ZNF652: variants seen among roughly 807,000 people sequenced by gnomAD.
The protein encoded by ZNF652 is zinc finger protein 652.
ZNF652 carries 16 observed loss-of-function variants against 45.2 expected under a neutral mutation model. That is an observed-to-expected ratio of 0.35 (90% CI 0.24 to 0.54). ZNF652 has a LOEUF of 0.54. Among genes scored for constraint, ZNF652 ranks in the 20% least tolerant of loss-of-function variants. The pLI, the probability that ZNF652 is intolerant of heterozygous loss-of-function variation, is 0.91. For missense variants in ZNF652, 614 were observed against 765.6 expected (o/e 0.80, Z 2.34); for synonymous variants, 250 against 260.6 (o/e 0.96, Z 0.39).
chr17:49,360,748 T>C (rs572889527), intron 1 of ZNF652, among the ~76,000 whole-genome samples: 59 of 151,424 alleles, frequency 3.9e-4, no homozygotes, highest in Non-Finnish European at 1.6e-4. Flanking sequence ...GGCCATCCTC[T>C]GGAAAAAAAA....
intron 2 of ZNF652, among the ~76,000 whole-genome samples, chr17:49,314,526 C>A (rs939494382): frequency 5.3e-5 from 8 of 152,104 alleles, no homozygotes; most frequent in Non-Finnish European, 1.0e-4. Flanking sequence ...AAAGCCTATA[C>A]CTTTTCCCTT....
intron 1 of ZNF652, among the ~76,000 whole-genome samples, chr17:49,360,526 G>T (rs370248166): frequency 3.3e-5 from 5 of 152,062 alleles, no homozygotes; most frequent in Non-Finnish European, 1.5e-5. Flanking sequence ...TCTGAATACT[G>T]TGCACGGTCC....
At chr17:49,307,080 T>G (rs2069639317) in intron 5 of ZNF652, among the ~76,000 whole-genome samples, 1 of 151,852 alleles carries the variant, frequency 6.6e-6, no homozygotes, top group Non-Finnish European at 1.5e-5. Context: ...GTAGAAAAAC[T>G]GGAAACAGAA....
chr17:49,314,040 C>T (rs1567920764), intron 2 of ZNF652, among the ~76,000 whole-genome samples: 1 of 137,654 alleles, frequency 7.3e-6, no homozygotes, highest in Non-Finnish European at 1.5e-5. Context: ...GCATTTGGAG[C>T]ATTTATTAAT....
intron 1 of ZNF652, among the ~76,000 whole-genome samples, chr17:49,319,862 G>C (rs977992157): frequency 6.6e-6 from 1 of 151,916 alleles, no homozygotes; most frequent in Non-Finnish European, 1.5e-5. Context: ...AGGCTGGTGG[G>C]ACTGATTTTT....
At chr17:49,321,425 T>C (rs1418528718) in intron 1 of ZNF652, among the ~76,000 whole-genome samples, 1 of 59,208 alleles carries the variant, frequency 1.7e-5, no homozygotes, top group East Asian at 5.6e-4. Context: ...CACCACGCTT[T>C]TTTTTTTTTT....
At chr17:49,331,124 T>C (rs2070019374) in intron 1 of ZNF652, among the ~76,000 whole-genome samples, 1 of 146,298 alleles carries the variant, frequency 6.8e-6, no homozygotes, top group African/African-American at 2.5e-5. Flanking sequence ...AATGTGTCTT[T>C]TTTTTTTTTT....
At chr17:49,314,406 C>T (rs757918603) in intron 2 of ZNF652, among the ~76,000 whole-genome samples, 5 of 151,982 alleles carry the variant, frequency 3.3e-5, no homozygotes, top group Non-Finnish European at 5.9e-5. Context: ...GTGATCTGCC[C>T]GCCTCAGCCT....
chr17:49,329,420 T>C (rs2143844391), intron 1 of ZNF652, among the ~76,000 whole-genome samples: 1 of 152,312 alleles, frequency 6.6e-6, no homozygotes, highest in South Asian at 2.1e-4. Flanking sequence ...AATATCGACC[T>C]GTAAATAGAA....
chr17:49,343,644 TA>T (rs200664228), intron 1 of ZNF652, among the ~76,000 whole-genome samples: 28 of 150,562 alleles, frequency 1.9e-4, no homozygotes, highest in African/African-American at 5.4e-4. Flanking sequence ...TGCTTGCCTT[TA>T]AAAAAAAATA....
In ZNF652 at chr17:49,293,930, T is replaced by TC. The variant is rs1429891947; in HGVS notation, c.*4482_*4483insG. Reference sequence around the variant, plus strand: ...AATAAAAGTTGTCTTTTCTATACAGTAGCTCAAACAGAAAGGTTTCTCTAA... The same window carrying TC: ...AATAAAAGTTGTCTTTTCTATACAGTCAGCTCAAACAGAAAGGTTTCTCTAA... On this transcript the variant is annotated 3_prime_UTR_variant, in exon 6 of 6. Transcript: ENST00000430262. Among the ~76,000 whole-genome samples the TC allele has an allele frequency of 3.3e-5, 5 of 152,186 alleles. No homozygotes were observed. Among genetic ancestry groups the TC allele is most frequent in the Non-Finnish European group, 7.4e-5 (5 of 68,012 alleles).
chr17:49,299,901 G>C (rs1395796824), intron 5 of ZNF652, among the ~76,000 whole-genome samples: 1 of 150,478 alleles, frequency 6.6e-6, no homozygotes, highest in Non-Finnish European at 1.5e-5. Context: ...GCCCAGGCTG[G>C]TCTTGAACCC....
At chr17:49,334,568 C>T (rs2070060127) in intron 1 of ZNF652, among the ~76,000 whole-genome samples, 1 of 152,116 alleles carries the variant, frequency 6.6e-6, no homozygotes, top group African/African-American at 2.4e-5. Context: ...TGCTAGAGTT[C>T]AGGAGTTCGA....
chr17:49,322,125 C>CTT (rs2069900477), intron 1 of ZNF652, among the ~76,000 whole-genome samples: 1 of 152,118 alleles, frequency 6.6e-6, no homozygotes, highest in African/African-American at 2.4e-5. Flanking sequence ...AGATGGTACT[C>CTT]AATAAAATAG....
intron 1 of ZNF652, among the ~76,000 whole-genome samples, chr17:49,351,900 T>C (rs998081958): frequency 2.6e-5 from 4 of 152,084 alleles, no homozygotes; most frequent in Admixed American, 2.0e-4. Context: ...GGCAGGAGGA[T>C]CACTTGAGCC....
Position 49,317,176 on chromosome 17 carries a change from T to C in ZNF652, c.550A>G (p.Lys184Glu). The C allele has an allele frequency of 6.2e-7, 1 of 1,613,844 alleles. No individual in the cohort carries two copies. The highest frequency in any genetic ancestry group is 1.3e-5 in the African/African-American group (1 of 74,990). ...GTTCTCCTTTGTGTAACGCTGACTT[T>C]CTCTACTATCTTCTCCTTTTTCTTC... ...KQKKKEKIVE[K>E]VSVTQRRTRR... is the part of the protein sequence containing the mutation. Residue 184 changes from lysine to glutamate, a missense_variant, in exon 2 of 6, where the codon AAA becomes GAA. Lys to Glu is a moderately conservative substitution (Grantham distance 56). Transcript: ENST00000430262.
At chr17:49,320,985 G>C (rs1378605384) in intron 1 of ZNF652, among the ~76,000 whole-genome samples, 1 of 152,014 alleles carries the variant, frequency 6.6e-6, no homozygotes, top group Non-Finnish European at 1.5e-5. Flanking sequence ...AAAGTGCTGG[G>C]ATTACAGGCG....
intron 1 of ZNF652, among the ~76,000 whole-genome samples, chr17:49,360,660 C>A (rs958193359): frequency 8.5e-5 from 13 of 152,126 alleles, no homozygotes; most frequent in African/African-American, 3.1e-4. Context: ...CCAGCAACAG[C>A]AGCTCCTCAA....
At chr17:49,346,571 T>C (rs1041051715) in intron 1 of ZNF652, among the ~76,000 whole-genome samples, 1 of 152,122 alleles carries the variant, frequency 6.6e-6, no homozygotes, top group African/African-American at 2.4e-5. Context: ...AACAAACTAC[T>C]ATTCCTATAG....
Sources: gnomAD v4.1 joint callset for allele counts (sites outside exome capture counted in the v4.1 genomes callset) on GRCh38, gnomAD v4.1.1 for gene constraint, MANE v1.5 for transcripts, NCBI Gene and HGNC (gene_info 2026-07-23, HGNC 2026-07-21) for gene names.